The following RALYL variants were observed in gnomAD, a reference collection of about 807,000 sequenced individuals.
The protein encoded by RALYL is RALY RNA binding protein like.
In RALYL, 29 loss-of-function variants were observed where a neutral mutation model predicts 35.1. The observed-to-expected ratio is 0.83, with a 90% confidence interval of 0.61 to 1.13. The LOEUF (loss-of-function observed/expected upper bound fraction) is 1.13. Ranked by LOEUF, RALYL falls within the 50% of genes most tolerant of loss-of-function variation. RALYL has a pLI of 0.00. For missense variants in RALYL, 359 were observed against 360.4 expected, an observed-to-expected ratio of 1.00 and a Z score of 0.03; for synonymous variants, 120 against 127.6, an observed-to-expected ratio of 0.94 and a Z score of 0.40.
chr8:84,506,242 C>G (rs2057154493), intron 1 of RALYL, among the ~76,000 whole-genome samples: 1 of 151,946 alleles, frequency 6.6e-6, no homozygotes, highest in South Asian at 2.1e-4. Flanking sequence ...ACCATTATCC[C>G]AATTATATTT....
intron 2 of RALYL, among the ~76,000 whole-genome samples, chr8:84,553,711 G>GA (rs141771571): frequency 1.1e-4 from 16 of 145,672 alleles, no homozygotes; most frequent in South Asian, 2.2e-4. Flanking sequence ...ATTGTGCCTG[G>GA]AAAAAAAAAA....
chr8:84,242,260 C>G (rs1828101536), intron 1 of RALYL, among the ~76,000 whole-genome samples: 1 of 152,112 alleles, frequency 6.6e-6, no homozygotes, highest in South Asian at 2.1e-4. Flanking sequence ...CATTGTTGGG[C>G]ATTTGGGTTG....
intron 1 of RALYL, among the ~76,000 whole-genome samples, chr8:84,384,329 T>C (rs2131646739): frequency 6.6e-6 from 1 of 151,914 alleles, no homozygotes; most frequent in South Asian, 2.1e-4. Context: ...ATTATGATTA[T>C]ACTGTCTCCT....
At chr8:84,786,391 G>A (rs1348725145) in intron 3 of RALYL, among the ~76,000 whole-genome samples, 1 of 152,154 alleles carries the variant, frequency 6.6e-6, no homozygotes, top group Non-Finnish European at 1.5e-5. Flanking sequence ...CCAGGTCTTT[G>A]AGGAATCGCC....
At chr8:84,518,483 T>C (rs955775239) in intron 1 of RALYL, among the ~76,000 whole-genome samples, 3 of 152,172 alleles carry the variant, frequency 2.0e-5, no homozygotes, top group South Asian at 2.1e-4. Flanking sequence ...ATTTATGACA[T>C]TGCATCTACA....
chr8:84,902,945 T>C (rs1845928475), intron 8 of RALYL, among the ~76,000 whole-genome samples: 1 of 152,138 alleles, frequency 6.6e-6, no homozygotes, highest in Non-Finnish European at 1.5e-5. Flanking sequence ...ATTAAAATGA[T>C]TTGGTGGCTC....
intron 2 of RALYL, among the ~76,000 whole-genome samples, chr8:84,731,446 C>A: frequency 6.6e-6 from 1 of 152,140 alleles, no homozygotes; most frequent in East Asian, 1.9e-4. Flanking sequence ...ATTGATTATG[C>A]AAGCAGTAAA....
intron 1 of RALYL, among the ~76,000 whole-genome samples, chr8:84,264,535 A>AT (rs1832928284): frequency 6.7e-6 from 1 of 148,830 alleles, no homozygotes; most frequent in South Asian, 2.1e-4. Flanking sequence ...GATTTCAAAG[A>AT]TTTTCTCCTA....
intron 1 of RALYL, among the ~76,000 whole-genome samples, chr8:84,326,416 T>C (rs556771299): frequency 1.3e-5 from 2 of 152,340 alleles, no homozygotes; most frequent in Non-Finnish European, 1.5e-5. Flanking sequence ...CTCTAGGAGA[T>C]AAAATTAGAG....
chr8:84,298,380 TCCATTGTCTATTGTGTTTGTATTTGTG>T (rs1449649380), intron 1 of RALYL, among the ~76,000 whole-genome samples: 5 of 152,078 alleles, frequency 3.3e-5, no homozygotes, highest in Admixed American at 6.6e-5. Context: ...TCTATTCGGT[TCCATTGTCTATTGTGTTTGTATTTGTG>T]CCATTGTCTA....
chr8:84,792,060 C>G (rs376928724), intron 3 of RALYL, among the ~76,000 whole-genome samples: 3 of 152,228 alleles, frequency 2.0e-5, no homozygotes, highest in African/African-American at 7.2e-5. Context: ...AGGCCAGCAT[C>G]CAGGGAAGGG....
At chr8:84,345,047 G>T (rs1171012375) in intron 1 of RALYL, among the ~76,000 whole-genome samples, 2 of 151,170 alleles carry the variant, frequency 1.3e-5, no homozygotes, top group East Asian at 3.9e-4. Flanking sequence ...ATACACCAAA[G>T]TGGGATTGCT....
chr8:84,900,664 A>G (rs1035244990), intron 8 of RALYL, among the ~76,000 whole-genome samples: 3 of 151,932 alleles, frequency 2.0e-5, no homozygotes, highest in Non-Finnish European at 4.4e-5. Flanking sequence ...GGGCAACAAG[A>G]GCGAAAGTTT....
Position 84,446,333 on chromosome 8 carries a change from C to G in RALYL, c.-23-82966C>G, listed in dbSNP as rs536200309. The stretch of plus-strand genomic sequence containing the variant: ...TTTTTAAAAATGAAAGCATTATGTG[C>G]TGTTTATAAATGTGATTGTGTTTGT... On this transcript the variant is annotated intron_variant, in intron 1 of 8. Coordinates refer to ENST00000521268, the MANE Select transcript of RALYL (RefSeq NM_173848.7). 1.3e-4 allele frequency among the ~76,000 whole-genome samples: 19 copies of G among 151,804 alleles called. 2 individuals are homozygous for G. The South Asian group carries it at 3.7e-3, about 30-fold the overall frequency.
At chr8:84,216,655 C>A (rs1428189747) in intron 1 of RALYL, among the ~76,000 whole-genome samples, 1 of 152,122 alleles carries the variant, frequency 6.6e-6, no homozygotes, top group Non-Finnish European at 1.5e-5. Context: ...CCAATGCTAT[C>A]CAACAGAATT....
intron 1 of RALYL, among the ~76,000 whole-genome samples, chr8:84,227,304 C>T (rs764369519): frequency 1.1e-4 from 16 of 151,818 alleles, no homozygotes; most frequent in South Asian, 4.2e-4. Flanking sequence ...ATGATCCACC[C>T]GCCTCGGTCT....
intron 2 of RALYL, among the ~76,000 whole-genome samples, chr8:84,661,205 G>A (rs1830842133): frequency 6.6e-6 from 1 of 152,030 alleles, no homozygotes; most frequent in Non-Finnish European, 1.5e-5. Context: ...TGGGATTACA[G>A]ACAAGAGCCA....
chr8:84,400,840 AAAG>A (rs1287734566), intron 1 of RALYL, among the ~76,000 whole-genome samples: 2 of 152,240 alleles, frequency 1.3e-5, no homozygotes, highest in Admixed American at 1.3e-4. Flanking sequence ...GTCAAGTAAC[AAAG>A]ATAAGTAGGA....
chr8:84,637,169 C>T (rs971279648), intron 2 of RALYL, among the ~76,000 whole-genome samples: 7 of 151,882 alleles, frequency 4.6e-5, no homozygotes, highest in African/African-American at 1.7e-4. Flanking sequence ...AGAGAGACAA[C>T]ATATGTTTCA....
Sources: gnomAD v4.1 joint callset for allele counts (sites outside exome capture counted in the v4.1 genomes callset) on GRCh38, gnomAD v4.1.1 for gene constraint, MANE v1.5 for transcripts, NCBI Gene and HGNC (gene_info 2026-07-23, HGNC 2026-07-21) for gene names.